Variants in TOX3 observed in about 807,000 individuals in gnomAD.
The protein encoded by TOX3 is CAG trinucleotide repeat-containing gene F9 protein.
TOX3 carries 22 observed loss-of-function variants against 64.3 expected under a neutral mutation model. The ratio of observed to expected loss-of-function variants is 0.34; its 90% CI spans 0.24 to 0.49. The LOEUF (loss-of-function observed/expected upper bound fraction) is 0.49. Among genes scored for constraint, TOX3 ranks in the 20% least tolerant of loss-of-function variants. The pLI, the probability that TOX3 is intolerant of heterozygous loss-of-function variation, is 0.99. For synonymous variants in TOX3, 291 were observed against 273.6 expected (o/e 1.06, Z -0.63); for missense variants, 661 against 714.4 (o/e 0.93, Z 0.85).
At chr16:52,448,384 A>T (rs74701270) in intron 4 of TOX3, among the ~76,000 whole-genome samples, 1,989 of 152,278 alleles carry the variant, frequency 0.013, 46 homozygotes, top group African/African-American at 0.045. Flanking sequence ...GCAAGTATGA[A>T]GATCAGCGGA....
chr16:52,494,918 T>G (rs1961799471), intron 1 of TOX3, among the ~76,000 whole-genome samples: 1 of 152,210 alleles, frequency 6.6e-6, no homozygotes, highest in Non-Finnish European at 1.5e-5. Flanking sequence ...GTAATTGGCT[T>G]GTTTACACCA....
Position 52,439,900 on chromosome 16 carries a change from T to C in TOX3, c.1056A>G (p.Leu352=), listed in dbSNP as rs766473840. 3.1e-6 allele frequency: 5 copies of C among 1,612,048 alleles called. No individual in the cohort carries two copies. The highest frequency in any genetic ancestry group is 2.2e-5 in the East Asian group (1 of 44,882). ...GAGTGTTGAGAAGGAGAGAGGATGT[T>C]AGATTGGTCGACGCCAGGGTCTGCT... ...SVQQTLASTN[L]TSSLLLNTPL... The change falls in exon 7 of 7, where the codon CTA becomes CTG. Residue 352 remains leucine, a synonymous_variant. Coordinates refer to ENST00000219746, the MANE Select transcript of TOX3 (RefSeq NM_001080430.4).
intron 2 of TOX3, 144 bp from the exon 3 acceptor site, chr16:52,464,332 C>T: frequency 1.0e-6 from 1 of 959,448 alleles, no homozygotes. Context: ...ATATCTTAAA[C>T]ACAGATTTCC....
intron 1 of TOX3, among the ~76,000 whole-genome samples, chr16:52,492,160 G>C (rs777203892): frequency 2.7e-5 from 4 of 149,562 alleles, no homozygotes; most frequent in Non-Finnish European, 4.4e-5. Flanking sequence ...GTCAATATTT[G>C]GGAAACTTTT....
chr16:52,545,319 C>T (rs1288844729), intron 1 of TOX3, among the ~76,000 whole-genome samples: 1 of 152,148 alleles, frequency 6.6e-6, no homozygotes, highest in Non-Finnish European at 1.5e-5. Context: ...TTGGGAGGCC[C>T]CTCTGTGCCA....
chr16:52,476,531 T>C (rs897959248), intron 1 of TOX3, among the ~76,000 whole-genome samples: 2 of 151,816 alleles, frequency 1.3e-5, no homozygotes, highest in African/African-American at 4.8e-5. Flanking sequence ...AATGGGGCCA[T>C]CTTTGAGATT....
intron 1 of TOX3, among the ~76,000 whole-genome samples, chr16:52,475,214 T>A (rs1344471418): frequency 6.6e-6 from 1 of 152,210 alleles, no homozygotes; most frequent in Non-Finnish European, 1.5e-5. Context: ...AAGATAAGAA[T>A]GTTTTGTCTG....
In TOX3 at chr16:52,446,909, C is replaced by T. The variant is rs982082039; in HGVS notation, c.679-688G>A. 1.1e-4 allele frequency among the ~76,000 whole-genome samples: 16 copies of T among 151,892 alleles called. No individual in the cohort carries two copies. The East Asian group carries it at 2.1e-3, about 20-fold the overall frequency. ...TTGATACTCTCCGTAAAATTAAAAA[C>T]GTGTAAAAAAAAGAGCAATAGTTGA... On this transcript the variant is annotated intron_variant, in intron 4 of 6. Transcript: ENST00000219746.
intron 3 of TOX3, among the ~76,000 whole-genome samples, chr16:52,452,145 G>C (rs547047802): frequency 1.3e-5 from 2 of 152,030 alleles, no homozygotes; most frequent in South Asian, 4.2e-4. Flanking sequence ...GGACAGCCTT[G>C]TTTTCTTTGG....
At chr16:52,499,084 G>T (rs1961933527) in intron 1 of TOX3, among the ~76,000 whole-genome samples, 1 of 152,086 alleles carries the variant, frequency 6.6e-6, no homozygotes, top group Non-Finnish European at 1.5e-5. Context: ...CCGTAATAGT[G>T]AAAATGAATA....
At chr16:52,498,559 T>A (rs755492945) in intron 1 of TOX3, among the ~76,000 whole-genome samples, 1 of 151,850 alleles carries the variant, frequency 6.6e-6, no homozygotes, top group Non-Finnish European at 1.5e-5. Context: ...CCTCCCAACA[T>A]CCCTGTCAAA....
chr16:52,483,564 GTT>G (rs11304815), intron 1 of TOX3, among the ~76,000 whole-genome samples: 3 of 99,442 alleles, frequency 3.0e-5, no homozygotes, highest in Non-Finnish European at 3.7e-5. Flanking sequence ...GGGCAGTTTG[GTT>G]TTTTTTTTTT....
At chr16:52,510,759 C>CAAAAAAAAAA (rs71376169) in intron 1 of TOX3, among the ~76,000 whole-genome samples, 1 of 72,074 alleles carries the variant, frequency 1.4e-5, no homozygotes, top group African/African-American at 5.2e-5. Flanking sequence ...GACCCTGTCT[C>CAAAAAAAAAA]AAAAAAAAAA....
At chr16:52,509,582 T>C (rs45476896) in intron 1 of TOX3, among the ~76,000 whole-genome samples, 2 of 152,334 alleles carry the variant, frequency 1.3e-5, no homozygotes, top group Admixed American at 6.5e-5. Context: ...TCTATCCACG[T>C]TCTTTCAAAT....
chr16:52,473,369 A>C (rs894801900), intron 1 of TOX3, among the ~76,000 whole-genome samples: 4 of 152,166 alleles, frequency 2.6e-5, no homozygotes, highest in Non-Finnish European at 4.4e-5. Flanking sequence ...TCCTAAAAAA[A>C]AAAAAGATAA....
Sources: gnomAD v4.1 joint callset for allele counts (sites outside exome capture counted in the v4.1 genomes callset) on GRCh38, gnomAD v4.1.1 for gene constraint, MANE v1.5 for transcripts, NCBI Gene and HGNC (gene_info 2026-07-23, HGNC 2026-07-21) for gene names.